The following SLC23A1 variants were observed in gnomAD, a reference collection of about 807,000 sequenced individuals.
SLC23A1 encodes solute carrier family 23 member 1.
In SLC23A1, 31 loss-of-function variants were observed where a neutral mutation model predicts 62.5. That is an observed-to-expected ratio of 0.50 (90% CI 0.37 to 0.67). The LOEUF is 0.67. Ranked by LOEUF, SLC23A1 falls within the 30% of genes least tolerant of loss-of-function variation. The pLI is 0.00. For missense variants in SLC23A1, 640 were observed against 782.7 expected (o/e 0.82, Z 2.18); for synonymous variants, 271 against 313.2 (o/e 0.87, Z 1.42).
At position 139,378,516 on chromosome 5, in the gene SLC23A1, G is replaced by T; in HGVS notation, c.1179+63C>A. The stretch of plus-strand genomic sequence containing the variant: ...GGGGCTAAACCAAAGTGGGGACCGA[G>T]TTGGGGCGGGGCCTGCGGCCCACGG... On this transcript the variant is annotated intron_variant, in intron 10 of 14. Coordinates refer to ENST00000348729, the MANE Select transcript of SLC23A1 (RefSeq NM_005847.5). This position sits in a 1 kb window ranked among gnomAD's most constrained non-coding sequence, Gnocchi z 4.5. The T allele has an allele frequency of 7.0e-7, 1 of 1,434,818 alleles. No individual in the cohort carries two copies. The allele number at this position is 1,434,818 out of a possible 1,614,324, so 88.9% of individuals were successfully genotyped here.
intron 14 of SLC23A1, among the ~76,000 whole-genome samples, chr5:139,370,684 C>T (rs773229783): frequency 2.0e-5 from 3 of 151,462 alleles, no homozygotes; most frequent in Non-Finnish European, 2.9e-5. Context: ...AGTAGAGATG[C>T]GGTTTTGCCA....
chr5:139,372,476 C>G (rs559207267), intron 13 of SLC23A1, among the ~76,000 whole-genome samples: 1 of 152,340 alleles, frequency 6.6e-6, no homozygotes, highest in South Asian at 2.1e-4. Flanking sequence ...TGTGTAACTA[C>G]AGTGTGCCAG....
In SLC23A1 at chr5:139,377,988, G is replaced by T; in HGVS notation, c.1440C>A (p.Gly480=). 6.2e-7 allele frequency: 1 copy of T among 1,613,728 alleles called. No homozygotes were observed. Among genetic ancestry groups the T allele is most frequent in the Middle Eastern group, 1.7e-4 (1 of 6,046 alleles). ...TLPNYLESNP[G]AINTGILEVD... ...AGCTGGAGGCACCTGTATTGATGGC[G>T]CCAGGGTTGGACTCCAGGTAATTGG... Residue 480 remains glycine (G), a synonymous_variant, in exon 12 of 15, where the codon GGC becomes GGA. Coordinates refer to ENST00000348729, the MANE Select transcript of SLC23A1 (RefSeq NM_005847.5).
rs1389466656 is a variant in SLC23A1 at position 139,379,597 on chromosome 5, C to T, written c.925+81G>A. ...TGTGCGGCTAATGCTAGGTGTGTCA[C>T]CTGCTGGATTGGGGTCACCAGGAGT... On this transcript the variant is annotated intron_variant, in intron 8 of 14. Coordinates refer to ENST00000348729, the MANE Select transcript of SLC23A1 (RefSeq NM_005847.5). This position sits in a 1 kb window ranked among gnomAD's most constrained non-coding sequence, Gnocchi z 4.7. 4 of 1,357,718 alleles carry T rather than the reference C, an allele frequency of 2.9e-6. No individual in the cohort carries two copies. Among genetic ancestry groups the T allele is most frequent in the Non-Finnish European group, 4.1e-6 (4 of 967,268 alleles). The allele number at this position is 1,357,718 out of a possible 1,614,324, so 84.1% of individuals were successfully genotyped here. A position where few individuals can be genotyped will look rare whatever the true frequency, so the allele number is the denominator to read the frequency against.
chr5:139,384,962 G>A (rs1290186871), upstream of SLC23A1, among the ~76,000 whole-genome samples: 1 of 152,174 alleles, frequency 6.6e-6, no homozygotes, highest in Non-Finnish European at 1.5e-5. Flanking sequence ...GGGGCTGAGT[G>A]CAGCTCCCAG....
At chr5:139,380,163 T>TA in intron 6 of SLC23A1, 45 bp downstream of exon 6, 8 of 1,557,562 alleles carry the variant, frequency 5.1e-6, no homozygotes, top group Non-Finnish European at 7.0e-6. Context: ...ATGAAGAGGG[T>TA]AGGGTGCTGG....
At chr5:139,371,142 G>T (rs1225792476) in intron 14 of SLC23A1, among the ~76,000 whole-genome samples, 1 of 152,124 alleles carries the variant, frequency 6.6e-6, no homozygotes, top group Non-Finnish European at 1.5e-5. Context: ...GTGATCATGG[G>T]CATATCACTT....
At chr5:139,384,367 G>A (rs1054224231), upstream of SLC23A1, 56 of 1,287,144 alleles carry the variant, frequency 4.4e-5, no homozygotes, top group Middle Eastern at 8.6e-4. Context: ...CTTCTGGGTC[G>A]CTGTGCCCAT....
intron 6 of SLC23A1, 43 bp downstream of exon 6, chr5:139,380,165 G>A (rs761303942): frequency 1.9e-6 from 3 of 1,557,458 alleles, no homozygotes; most frequent in Non-Finnish European, 8.7e-7. Flanking sequence ...GAAGAGGGTA[G>A]GGTGCTGGGG....
Position 139,380,017 on chromosome 5 carries a change from G to A in SLC23A1, c.707C>T (p.Pro236Leu). The A allele has an allele frequency of 6.2e-7, 1 of 1,614,136 alleles. No homozygotes were observed. Among genetic ancestry groups the A allele is most frequent in the Non-Finnish European group, 8.5e-7 (1 of 1,180,026 alleles). Residue 236 changes from proline to leucine, a missense_variant, in exon 7 of 15, where the codon CCT becomes CTT. Coordinates refer to ENST00000348729, the MANE Select transcript of SLC23A1 (RefSeq NM_005847.5). ...QYLRNLTFLL[P>L]VYRWGKGLTL... ...GAGGCCCTTGCCCCAGCGGTAGACAGGCAGCAGGAAGGTGAGGTTGCGCAG... is the reference window on the plus strand; with the variant it reads ...GAGGCCCTTGCCCCAGCGGTAGACAAGCAGCAGGAAGGTGAGGTTGCGCAG...
chr5:139,367,531 C>CT lies in SLC23A1; in HGVS notation c.*119dup, dbSNP rs537959586. The CT allele has an allele frequency of 1.1e-3, 166 of 151,002 alleles. No homozygotes were observed. Among genetic ancestry groups the CT allele is most frequent in the African/African-American group, 3.9e-3 (162 of 41,136 alleles). The allele number at this position is 151,002 out of a possible 1,614,324, so 9.4% of individuals were successfully genotyped here. ...TGAATCCCAGAGAAAGGTGACTTAT[C>CT]TGAGTTTACACAGAAGTTAGTTAGG... On this transcript the variant is annotated 3_prime_UTR_variant, in exon 15 of 15. Transcript: ENST00000348729.
chr5:139,382,103 A>T, intron 2 of SLC23A1, 54 bp from the exon 3 acceptor site: 2 of 1,543,326 alleles, frequency 1.3e-6, no homozygotes, highest in Non-Finnish European at 1.8e-6. Context: ...AGCTCCAGGG[A>T]GAGGGGACAA....
At position 139,376,106 on chromosome 5, in the gene SLC23A1, C is replaced by T. The variant is rs533718094; in HGVS notation, c.1549+1296G>A. On this transcript the variant is annotated intron_variant, in intron 13 of 14. Coordinates refer to ENST00000348729, the MANE Select transcript of SLC23A1 (RefSeq NM_005847.5). ...GTAGTGAGCTATGATTGTGCCACTACACTCCAGTCTGGGTGATAGTCTGAG... is the reference window on the plus strand; with the variant it reads ...GTAGTGAGCTATGATTGTGCCACTATACTCCAGTCTGGGTGATAGTCTGAG... 5.3e-5 allele frequency among the ~76,000 whole-genome samples: 8 copies of T among 152,042 alleles called. No homozygotes were observed. In the South Asian group the frequency reaches 1.2e-3, roughly 24 times the overall value.
Position 139,380,586 on chromosome 5 carries a change from A to C in SLC23A1, c.444T>G (p.Ile148Met). ...NWSLPLNTSH[I>M]WHPRIREVQG... ...CCACCTCCCGTATCCGTGGGTGCCA[A>C]ATATGAGAGGTGTTCAGGGGCAGAC... The change falls in exon 5 of 15, where the codon ATT (isoleucine) becomes ATG (methionine). Residue 148 changes from isoleucine to methionine, a missense_variant. By Grantham distance (10) the Ile-to-Met change is conservative. Coordinates refer to ENST00000348729, the MANE Select transcript of SLC23A1 (RefSeq NM_005847.5). 1.2e-6 allele frequency: 2 copies of C among 1,614,078 alleles called. No individual in the cohort carries two copies. Among genetic ancestry groups the C allele is most frequent in the Non-Finnish European group, 1.7e-6 (2 of 1,179,996 alleles).
chr5:139,371,847 T>C, intron 14 of SLC23A1, 140 bp downstream of exon 14: 1 of 717,334 alleles, frequency 1.4e-6, no homozygotes, highest in Non-Finnish European at 2.4e-6. Context: ...ATGTTGACTT[T>C]TTACCCAGCT....
chr5:139,373,181 G>T (rs574498862), intron 13 of SLC23A1, among the ~76,000 whole-genome samples: 164 of 151,216 alleles, frequency 1.1e-3, no homozygotes, highest in African/African-American at 3.6e-3. Context: ...TTTTTTTGTT[G>T]TTGTTGTTGT....
At chr5:139,381,821 C>G in intron 3 of SLC23A1, 71 bp downstream of exon 3, 1 of 1,295,342 alleles carries the variant, frequency 7.7e-7, no homozygotes, top group Non-Finnish European at 1.1e-6. Flanking sequence ...CTCTGGGAGC[C>G]CACCTGCTCC....
At chr5:139,382,629 C>A in intron 1 of SLC23A1, 24 bp from the exon 2 acceptor site, 1 of 1,469,720 alleles carries the variant, frequency 6.8e-7, no homozygotes, top group East Asian at 2.3e-5. Flanking sequence ...AGATAAGTAG[C>A]TTAGGGTGAA....
intron 1 of SLC23A1, 76 bp downstream of exon 1, chr5:139,383,142 G>A (rs1758363326): frequency 1.7e-6 from 1 of 577,166 alleles, no homozygotes; most frequent in Non-Finnish European, 2.8e-6. Context: ...CTGGCCTCCA[G>A]GAAGAAGGCC....
Sources: allele counts gnomAD v4.1 joint callset (sites outside exome capture counted in the v4.1 genomes callset), GRCh38; gene constraint gnomAD v4.1.1; non-coding constraint Gnocchi (gnomAD v3.1); transcripts MANE v1.5; gene names NCBI Gene and HGNC (gene_info 2026-07-23, HGNC 2026-07-21).